WWOX: variants seen among roughly 807,000 people sequenced by gnomAD.
WWOX encodes the protein WW domain containing oxidoreductase, also known as WW domain-containing oxidoreductase.
WWOX carries 69 observed loss-of-function variants against 46.2 expected under a neutral mutation model. The observed-to-expected ratio is 1.49, with a 90% CI of 1.23 to 1.82. The LOEUF is 1.82. WWOX is among the 40% of genes most tolerant of loss of function. WWOX has a pLI of 0.00. For synonymous variants in WWOX, 359 were observed against 202.6 expected (o/e 1.77, Z -6.56); for missense variants, 919 against 542.6 (o/e 1.69, Z -6.89).
intron 6 of WWOX, among the ~76,000 whole-genome samples, chr16:78,400,200 T>C (rs1450655143): frequency 3.3e-5 from 5 of 152,120 alleles, no homozygotes; most frequent in East Asian, 1.9e-4. Flanking sequence ...TGAGCTGATA[T>C]TATGCAATAA....
chr16:78,934,569 C>G (rs1224522725), intron 8 of WWOX, among the ~76,000 whole-genome samples: 1 of 139,534 alleles, frequency 7.2e-6, no homozygotes, highest in African/African-American at 2.7e-5. Context: ...TTACAGAGAA[C>G]ATGATTAGAA....
intron 5 of WWOX, among the ~76,000 whole-genome samples, chr16:78,325,216 C>G (rs900297902): frequency 9.2e-5 from 14 of 152,322 alleles, no homozygotes; most frequent in African/African-American, 3.1e-4. Flanking sequence ...AAGCTCTAAT[C>G]AGGAGAAATG....
chr16:79,051,895 A>G (rs1245418910), intron 8 of WWOX, among the ~76,000 whole-genome samples: 1 of 152,210 alleles, frequency 6.6e-6, no homozygotes, highest in African/African-American at 2.4e-5. Flanking sequence ...TGGCATGCTT[A>G]TACTGGTCCA....
In WWOX at chr16:78,497,741, A is replaced by G. The variant is rs534510602; in HGVS notation, c.1056+64989A>G. Among the ~76,000 whole-genome samples the G allele has an allele frequency of 2.6e-5, 4 of 152,326 alleles. No homozygotes were observed. In the South Asian group the frequency reaches 8.3e-4, roughly 32 times the overall value. On this transcript the variant is annotated intron_variant, in intron 8 of 8. Transcript: ENST00000566780. ...AAATGTGGACTCTCAGCAGGACATT[A>G]CAGGGACAGTGGTTGGGTCTGGAGA...
rs1282497999 is a variant in WWOX at position 79,027,441 on chromosome 16, C to T, written c.1057-184167C>T. On this transcript the variant is annotated intron_variant, in intron 8 of 8. Transcript: ENST00000566780. The stretch of plus-strand genomic sequence containing the variant: ...AGCTATCCTGGGCCTCCCTGCCTCC[C>T]ATTTTACACCCTGTTTATTGATACT... 4.0e-5 allele frequency among the ~76,000 whole-genome samples: 6 copies of T among 151,670 alleles called. 1 individual carries two copies. The highest frequency in any genetic ancestry group is 1.5e-4 in the African/African-American group (6 of 41,000).
chr16:78,103,621 T>C (rs370599363), intron 1 of WWOX, among the ~76,000 whole-genome samples: 26 of 152,264 alleles, frequency 1.7e-4, no homozygotes, highest in African/African-American at 6.3e-4. Context: ...TTCTTTTCTT[T>C]TCAGTTTTAA....
intron 5 of WWOX, among the ~76,000 whole-genome samples, chr16:78,293,886 G>T (rs1332533211): frequency 7.3e-6 from 1 of 137,398 alleles, no homozygotes; most frequent in Admixed American, 8.1e-5. Context: ...TGAGGCAGGA[G>T]AATTGCTTGA....
intron 8 of WWOX, among the ~76,000 whole-genome samples, chr16:79,168,094 G>A (rs555713818): frequency 7.2e-5 from 11 of 152,256 alleles, no homozygotes; most frequent in Non-Finnish European, 1.0e-4. Context: ...GTATTCCACT[G>A]CATGGATATA....
chr16:78,649,607 C>T (rs1370729453), intron 8 of WWOX, among the ~76,000 whole-genome samples: 1 of 152,200 alleles, frequency 6.6e-6, no homozygotes. Flanking sequence ...ATACCATGAC[C>T]TTGGCCTTTC....
At chr16:79,192,974 C>T (rs2051166764) in intron 8 of WWOX, among the ~76,000 whole-genome samples, 1 of 152,216 alleles carries the variant, frequency 6.6e-6, no homozygotes. Context: ...CCTTGTCTCA[C>T]ATTCCTTTCT....
In WWOX at chr16:78,978,613, C is replaced by A. The variant is rs138595222; in HGVS notation, c.1057-232995C>A. Reference sequence around the variant, plus strand: ...TGCACAGGAAGCATAGAAGCTTCTGCTACTGGGGGCGCCTCAGGAAACTTA... The same window carrying A: ...TGCACAGGAAGCATAGAAGCTTCTGATACTGGGGGCGCCTCAGGAAACTTA... On this transcript the variant is annotated intron_variant, in intron 8 of 8. Transcript: ENST00000566780. 4.8e-3 allele frequency among the ~76,000 whole-genome samples: 735 copies of A among 152,268 alleles called. 8 individuals are homozygous for A. Among genetic ancestry groups the A allele is most frequent in the African/African-American group, 0.017 (688 of 41,542 alleles).
At chr16:78,721,778 C>T (rs539288423) in intron 8 of WWOX, among the ~76,000 whole-genome samples, 4 of 152,182 alleles carry the variant, frequency 2.6e-5, no homozygotes, top group Non-Finnish European at 5.9e-5. Flanking sequence ...AGGTACATAG[C>T]AGGTGCTCCG....
intron 8 of WWOX, among the ~76,000 whole-genome samples, chr16:78,733,447 C>T (rs1175985702): frequency 6.7e-6 from 1 of 149,978 alleles, no homozygotes; most frequent in Non-Finnish European, 1.5e-5. Flanking sequence ...AGAGTGAGAC[C>T]TTGTCTCAAA....
chr16:78,681,541 A>G (rs918709015), intron 8 of WWOX, among the ~76,000 whole-genome samples: 5 of 113,098 alleles, frequency 4.4e-5, no homozygotes, highest in Non-Finnish European at 1.8e-5. Context: ...GATTTCCTCC[A>G]TATACAAAAA....
chr16:79,039,514 G>A (rs899712218), intron 8 of WWOX, among the ~76,000 whole-genome samples: 4 of 152,268 alleles, frequency 2.6e-5, no homozygotes, highest in South Asian at 4.2e-4. Context: ...AGAAACAGTT[G>A]GGTCCCAAGC....
chr16:79,050,106 G>T (rs1186049799), intron 8 of WWOX, among the ~76,000 whole-genome samples: 2 of 152,166 alleles, frequency 1.3e-5, no homozygotes, highest in Non-Finnish European at 2.9e-5. Context: ...TGCTGCTGCT[G>T]CGTAACCGTG....
At chr16:78,353,844 T>G (rs1331262867) in intron 5 of WWOX, among the ~76,000 whole-genome samples, 1 of 152,202 alleles carries the variant, frequency 6.6e-6, no homozygotes, top group African/African-American at 2.4e-5. Context: ...TGGCGTTCGC[T>G]TTACCCTTGC....
intron 8 of WWOX, among the ~76,000 whole-genome samples, chr16:78,776,532 G>A (rs1240688925): frequency 6.6e-6 from 1 of 152,170 alleles, no homozygotes; most frequent in South Asian, 2.1e-4. Flanking sequence ...ATGATGACCT[G>A]TTTAGCAGCA....
intron 8 of WWOX, among the ~76,000 whole-genome samples, chr16:78,832,489 A>G (rs1016002786): frequency 6.6e-4 from 100 of 152,204 alleles, no homozygotes; most frequent in African/African-American, 2.2e-3. Flanking sequence ...AGGGAGGTCT[A>G]TCAAAGAACT....
Sources: gnomAD v4.1 joint callset for allele counts (sites outside exome capture counted in the v4.1 genomes callset) on GRCh38, gnomAD v4.1.1 for gene constraint, MANE v1.5 for transcripts, NCBI Gene and HGNC (gene_info 2026-07-23, HGNC 2026-07-21) for gene names.